Variants in SFRP1 observed in about 807,000 individuals in gnomAD.
The protein encoded by SFRP1 is secreted frizzled-related protein 1.
Under a neutral mutation model 25.9 loss-of-function variants are expected in SFRP1, and 9 were observed. That is an observed-to-expected ratio of 0.35 (90% CI 0.21 to 0.61). The LOEUF (loss-of-function observed/expected upper bound fraction) is 0.61. Ranked by LOEUF, SFRP1 falls within the 20% of genes least tolerant of loss-of-function variation. The pLI, the probability that SFRP1 is intolerant of heterozygous loss-of-function variation, is 0.78. For synonymous variants in SFRP1, 178 were observed against 174.0 expected (o/e 1.02, Z -0.18); for missense variants, 346 against 418.2 (o/e 0.83, Z 1.51).
chr8:41,291,471 G>A (rs1482933415), intron 2 of SFRP1, among the ~76,000 whole-genome samples: 3 of 152,114 alleles, frequency 2.0e-5, no homozygotes, highest in East Asian at 1.9e-4. Context: ...ATCTTCCTAG[G>A]CCCACCTTTG....
In SFRP1 at chr8:41,263,356, C is replaced by CA. The variant is rs376585636; in HGVS notation, c.*1810dup. 3 of 152,328 alleles carry CA rather than the reference C, an allele frequency of 2.0e-5. No homozygotes were observed. The highest frequency in any genetic ancestry group is 2.9e-5 in the Non-Finnish European group (2 of 68,026). The allele number at this position is 152,328 out of a possible 1,614,324, so 9.4% of individuals were successfully genotyped here. A position where few individuals can be genotyped will look rare whatever the true frequency, so the allele number is the denominator to read the frequency against. ...CGATGAAAGGTCAGAGAGAACCCCA[C>CA]AAAAAAGGTGTTAAAAGGACAGGAT... On this transcript the variant is annotated 3_prime_UTR_variant, in exon 3 of 3. Coordinates refer to ENST00000220772, the MANE Select transcript of SFRP1 (RefSeq NM_003012.5).
chr8:41,286,333 A>G (rs1803700782), intron 2 of SFRP1, among the ~76,000 whole-genome samples: 1 of 152,248 alleles, frequency 6.6e-6, no homozygotes, highest in Admixed American at 6.5e-5. Context: ...GTTCCGAGGC[A>G]GGGGCGGTTC....
chr8:41,270,244 G>A (rs891563716), intron 2 of SFRP1, among the ~76,000 whole-genome samples: 1 of 152,188 alleles, frequency 6.6e-6, no homozygotes, highest in Non-Finnish European at 1.5e-5. Flanking sequence ...GGATTAGACT[G>A]AGCCCGTGCA....
intron 2 of SFRP1, 60 bp downstream of exon 2, chr8:41,303,401 G>T: frequency 8.1e-7 from 1 of 1,228,942 alleles, no homozygotes; most frequent in Non-Finnish European, 1.2e-6. Flanking sequence ...CCTCCGTCTG[G>T]CAGAGGCACA....
At chr8:41,284,846 G>T (rs1198510880) in intron 2 of SFRP1, among the ~76,000 whole-genome samples, 1 of 152,224 alleles carries the variant, frequency 6.6e-6, no homozygotes, top group African/African-American at 2.4e-5. Context: ...CCCCCAGGCT[G>T]CAAGGCCAAG....
intron 1 of SFRP1, among the ~76,000 whole-genome samples, chr8:41,304,415 A>C (rs899790635): frequency 6.0e-5 from 9 of 150,988 alleles, no homozygotes; most frequent in African/African-American, 2.2e-4. Context: ...GCTTATCATC[A>C]TTGTCATCAC....
intron 2 of SFRP1, among the ~76,000 whole-genome samples, chr8:41,282,443 GT>G (rs1222658572): frequency 1.8e-4 from 28 of 152,182 alleles, no homozygotes; most frequent in African/African-American, 6.7e-4. Flanking sequence ...AGCCCAGGAG[GT>G]CAAAGCTACA....
At chr8:41,291,347 T>A (rs527378909) in intron 2 of SFRP1, among the ~76,000 whole-genome samples, 4 of 152,192 alleles carry the variant, frequency 2.6e-5, no homozygotes, top group African/African-American at 9.6e-5. Flanking sequence ...TTTGCCTGTT[T>A]TGTCATCATT....
chr8:41,269,120 G>C lies in SFRP1; in HGVS notation c.623-3631C>G, dbSNP rs566730541. 9.9e-5 allele frequency among the ~76,000 whole-genome samples: 15 copies of C among 152,268 alleles called. No individual in the cohort carries two copies. The South Asian group carries it at 2.7e-3, about 27-fold the overall frequency. ...TTATCTCCAGCACTATCCCCACCCT[G>C]TGCTCACTCCATGCTTCCCTGATTG... On this transcript the variant is annotated intron_variant, in intron 2 of 2. Coordinates refer to ENST00000220772, the MANE Select transcript of SFRP1 (RefSeq NM_003012.5).
chr8:41,307,849 G>T (rs1804017774), intron 1 of SFRP1, among the ~76,000 whole-genome samples: 1 of 152,194 alleles, frequency 6.6e-6, no homozygotes, highest in Non-Finnish European at 1.5e-5. Context: ...CTCCCCGGGA[G>T]GAGATGAACA....
intron 2 of SFRP1, among the ~76,000 whole-genome samples, chr8:41,266,151 G>A (rs1018733220): frequency 2.6e-5 from 4 of 151,598 alleles, no homozygotes; most frequent in South Asian, 2.1e-4. Context: ...GAGCGACAGA[G>A]CAAGACTCCA....
At chr8:41,276,042 T>C (rs1049764484) in intron 2 of SFRP1, among the ~76,000 whole-genome samples, 1 of 152,092 alleles carries the variant, frequency 6.6e-6, no homozygotes, top group Admixed American at 6.6e-5. Context: ...ACCACACCAG[T>C]CTGTAAACTC....
chr8:41,309,070 C>T lies in SFRP1; in HGVS notation c.90G>A (p.Ser30=), dbSNP rs563811748. 1 of 1,599,516 alleles carries T rather than the reference C, an allele frequency of 6.3e-7. No homozygotes were observed. Among genetic ancestry groups the T allele is most frequent in the African/African-American group, 1.3e-5 (1 of 74,832 alleles). The change falls in exon 1 of 3, where the codon TCG becomes TCA. Residue 30 remains serine (S), a synonymous_variant. Transcript: ENST00000220772. ...ALGAALLAVG[S]ASEYDYVSFQ... ...AGCTCACGTAGTCGTACTCGCTGGC[C>T]GAGCCCACGGCCAGAAGCGCCGCGC...
chr8:41,288,244 G>C (rs1332847891), intron 2 of SFRP1, among the ~76,000 whole-genome samples: 1 of 151,996 alleles, frequency 6.6e-6, no homozygotes, highest in African/African-American at 2.4e-5. Flanking sequence ...TGTAATCCCA[G>C]CTACTCAGGA....
chr8:41,302,276 T>C (rs887645005), intron 2 of SFRP1, among the ~76,000 whole-genome samples: 1 of 152,214 alleles, frequency 6.6e-6, no homozygotes, highest in Non-Finnish European at 1.5e-5. Context: ...GCCATCTACA[T>C]CCAGCTTCCA....
intron 2 of SFRP1, among the ~76,000 whole-genome samples, chr8:41,285,507 G>T (rs7833518): frequency 0.5 from 75,321 of 152,064 alleles, 19,605 homozygotes; most frequent in African/African-American, 0.67. Context: ...CACTCCAGGC[G>T]GAAGAAGTGC....
intron 2 of SFRP1, among the ~76,000 whole-genome samples, chr8:41,291,664 G>A (rs1249827852): frequency 2.6e-5 from 4 of 152,222 alleles, no homozygotes; most frequent in East Asian, 1.9e-4. Context: ...GCCTGGTAGA[G>A]CAGAACCACT....
chr8:41,303,875 G>C (rs1176668469), intron 1 of SFRP1, among the ~76,000 whole-genome samples: 1 of 152,172 alleles, frequency 6.6e-6, no homozygotes, highest in Non-Finnish European at 1.5e-5. Flanking sequence ...AACCCACAGA[G>C]ATCTCTTCCT....
intron 2 of SFRP1, among the ~76,000 whole-genome samples, chr8:41,299,941 C>T (rs139804300): frequency 3.9e-4 from 60 of 152,286 alleles, no homozygotes; most frequent in African/African-American, 1.1e-3. Flanking sequence ...AGGTAAAACA[C>T]GGCATTAGAT....
Sources: allele counts gnomAD v4.1 joint callset (sites outside exome capture counted in the v4.1 genomes callset), GRCh38; gene constraint gnomAD v4.1.1; transcripts MANE v1.5; gene names NCBI Gene and HGNC (gene_info 2026-07-23, HGNC 2026-07-21).